The following DTX4 variants were observed in gnomAD, a reference collection of about 807,000 sequenced individuals.
The protein encoded by DTX4 is E3 ubiquitin-protein ligase DTX4.
Under a neutral mutation model 57.6 loss-of-function variants are expected in DTX4, and 28 were observed. The ratio of observed to expected loss-of-function variants is 0.49; its 90% confidence interval spans 0.36 to 0.67. The LOEUF (loss-of-function observed/expected upper bound fraction) is 0.67, where lower values mean the gene tolerates loss of function less well. Ranked by LOEUF, DTX4 falls within the 30% of genes least tolerant of loss-of-function variation. The pLI, the probability that DTX4 is intolerant of heterozygous loss-of-function variation, is 0.00. For synonymous variants in DTX4, 316 were observed against 331.0 expected (o/e 0.95, Z 0.49); for missense variants, 715 against 836.8 (o/e 0.85, Z 1.80).
chr11:59,174,668 G>A (rs1434433783), intron 1 of DTX4, among the ~76,000 whole-genome samples: 2 of 152,082 alleles, frequency 1.3e-5, no homozygotes, highest in Non-Finnish European at 2.9e-5. Flanking sequence ...TATCTACAAA[G>A]GTTCATGACC....
Position 59,172,569 on chromosome 11 carries a change from G to GCGCAGCGC in DTX4, c.-20_-13dup. ...GCGCTCGGGGCCCGGGAGGCGGGCC[G>GCGCAGCGC]CGCAGCGCCGCAGCCCCGGGCTCGC... On this transcript the variant is annotated 5_prime_UTR_variant, in exon 1 of 9. Transcript: ENST00000227451. 1 of 1,345,082 alleles carries GCGCAGCGC rather than the reference G, an allele frequency of 7.4e-7. No individual in the cohort carries two copies. Among genetic ancestry groups the GCGCAGCGC allele is most frequent in the Non-Finnish European group, 9.5e-7 (1 of 1,048,688 alleles). The allele number at this position is 1,345,082 out of a possible 1,614,324, so 83.3% of individuals were successfully genotyped here.
intron 1 of DTX4, among the ~76,000 whole-genome samples, chr11:59,179,273 A>T (rs1862431267): frequency 6.6e-6 from 1 of 152,242 alleles, no homozygotes; most frequent in Non-Finnish European, 1.5e-5. Flanking sequence ...AGCAGAAGGC[A>T]GCCAAATGAC....
chr11:59,179,921 G>GAC (rs145272277), intron 1 of DTX4, among the ~76,000 whole-genome samples: 2,181 of 148,374 alleles, frequency 0.015, 50 homozygotes, highest in African/African-American at 0.049. Flanking sequence ...TACACACACA[G>GAC]ACACACACAC....
intron 4 of DTX4, among the ~76,000 whole-genome samples, chr11:59,189,768 T>A (rs1238582638): frequency 1.3e-5 from 2 of 152,206 alleles, no homozygotes; most frequent in African/African-American, 4.8e-5. Flanking sequence ...AATGCATCCA[T>A]GACAGTTAGG....
rs189814508 is a variant in DTX4, at chr11:59,205,679, C to A, written c.*770C>A. 1 of 152,830 alleles carries A rather than the reference C, an allele frequency of 6.5e-6. No individual in the cohort carries two copies. The allele number at this position is 152,830 out of a possible 1,614,324, so 9.5% of individuals were successfully genotyped here. ...TAGACCCTCTCTGATCAAACCAGAGCCTGCATCCCACTGAGCATCTGAACT... is the reference window on the plus strand; with the variant it reads ...TAGACCCTCTCTGATCAAACCAGAGACTGCATCCCACTGAGCATCTGAACT... On this transcript the variant is annotated 3_prime_UTR_variant, in exon 9 of 9. Transcript: ENST00000227451.
chr11:59,197,769 A>G (rs1353881987), intron 7 of DTX4, among the ~76,000 whole-genome samples: 4 of 152,236 alleles, frequency 2.6e-5, no homozygotes, highest in African/African-American at 9.6e-5. Context: ...CTCAGAGGCA[A>G]TGAGTCAAGG....
At chr11:59,186,906 C>T (rs1446806833) in intron 2 of DTX4, among the ~76,000 whole-genome samples, 1 of 152,202 alleles carries the variant, frequency 6.6e-6, no homozygotes. Flanking sequence ...AGAAGAAAAG[C>T]GGCTTTGGGT....
At chr11:59,200,351 G>A (rs11229873) in intron 8 of DTX4, among the ~76,000 whole-genome samples, 15,858 of 152,210 alleles carry the variant, frequency 0.1, 1,024 homozygotes, top group East Asian at 0.29. Context: ...GCCAAACCAT[G>A]TCAGTTTGTT....
intron 1 of DTX4, among the ~76,000 whole-genome samples, chr11:59,179,204 G>T (rs968791954): frequency 6.6e-6 from 1 of 152,152 alleles, no homozygotes; most frequent in Non-Finnish European, 1.5e-5. Context: ...TGAAATTTAC[G>T]TGGGATATGT....
intron 2 of DTX4, among the ~76,000 whole-genome samples, chr11:59,183,967 A>C (rs656163): frequency 2.0e-5 from 3 of 152,048 alleles, no homozygotes; most frequent in Admixed American, 2.0e-4. Flanking sequence ...TGTGTTATGC[A>C]ATAGGGGTTG....
intron 5 of DTX4, 97 bp downstream of exon 5, chr11:59,191,272 A>G: frequency 1.6e-6 from 2 of 1,266,260 alleles, no homozygotes; most frequent in Admixed American, 2.1e-5. Flanking sequence ...CGGGGGCTGC[A>G]TTCCAAGTTC....
Position 59,188,816 on chromosome 11 carries a change from G to A in DTX4, c.997+20G>A. 1 of 1,606,782 alleles carries A rather than the reference G, an allele frequency of 6.2e-7. No homozygotes were observed. Among genetic ancestry groups the A allele is most frequent in the Non-Finnish European group, 8.5e-7 (1 of 1,173,580 alleles). On this transcript the variant is annotated intron_variant, in intron 3 of 8. Transcript: ENST00000227451. ...TGGCAGGTAAGAGAAACCCCAGGAT[G>A]CTCTGGGTTAAGGTAGAGAAATCAG...
chr11:59,189,341 C>T lies in DTX4; in HGVS notation c.1159+18C>T, dbSNP rs372720640. ...CAAGAAAGGTACCAGCCTCTTGTCT[C>T]GTGGGGTACTGAGAGTCAAAGACTT... On this transcript the variant is annotated intron_variant, in intron 4 of 8. Transcript: ENST00000227451. 18 of 1,520,404 alleles carry T rather than the reference C, an allele frequency of 1.2e-5. No individual in the cohort carries two copies. The highest frequency in any genetic ancestry group is 2.5e-5 in the East Asian group (1 of 40,556). 94.2% of individuals were successfully genotyped at this position (1,520,404 alleles called of 1,614,324 possible). A position where few individuals can be genotyped will look rare whatever the true frequency, so the allele number is the denominator to read the frequency against.
At chr11:59,191,843 C>T (rs939090683) in intron 5 of DTX4, among the ~76,000 whole-genome samples, 38 of 152,302 alleles carry the variant, frequency 2.5e-4, no homozygotes, top group African/African-American at 8.7e-4. Flanking sequence ...AACAGAAGGA[C>T]AGTGCATTGT....
chr11:59,183,851 A>G (rs1450917033), intron 2 of DTX4, among the ~76,000 whole-genome samples: 1 of 152,210 alleles, frequency 6.6e-6, no homozygotes, highest in African/African-American at 2.4e-5. Flanking sequence ...GAAAACCTCC[A>G]CTAAGGGAGT....
In DTX4 at chr11:59,208,410, A is replaced by T. The variant is rs1202441096; in HGVS notation, c.*3501A>T. The T allele has an allele frequency of 6.6e-6, 1 of 152,226 alleles. No homozygotes were observed. Among genetic ancestry groups the T allele is most frequent in the Non-Finnish European group, 1.5e-5 (1 of 68,040 alleles). 9.4% of individuals were successfully genotyped at this position (152,226 alleles called of 1,614,324 possible). A position where few individuals can be genotyped will look rare whatever the true frequency, so the allele number is the denominator to read the frequency against. Reference sequence around the variant, plus strand: ...CATTGCTGGGAAAATGAGTAAGTGAACGTGTGGGAGAAAAACACTTTTAGA... The same window carrying T: ...CATTGCTGGGAAAATGAGTAAGTGATCGTGTGGGAGAAAAACACTTTTAGA... On this transcript the variant is annotated 3_prime_UTR_variant, in exon 9 of 9. Coordinates refer to ENST00000227451, the MANE Select transcript of DTX4 (RefSeq NM_015177.2).
At chr11:59,204,645 T>C (rs1862781179) in intron 8 of DTX4, 31 bp from the exon 9 acceptor site, 2 of 1,582,672 alleles carry the variant, frequency 1.3e-6, no homozygotes, top group African/African-American at 1.3e-5. Flanking sequence ...AATTAATGTC[T>C]GCCTTTCATG....
chr11:59,197,700 C>T (rs955057176), intron 7 of DTX4, among the ~76,000 whole-genome samples: 1 of 151,968 alleles, frequency 6.6e-6, no homozygotes, highest in Non-Finnish European at 1.5e-5. Context: ...AAGGGAAGGC[C>T]GGGATAAGGA....
At chr11:59,180,403 G>A (rs993281792) in intron 1 of DTX4, among the ~76,000 whole-genome samples, 5 of 152,206 alleles carry the variant, frequency 3.3e-5, no homozygotes, top group African/African-American at 1.2e-4. Flanking sequence ...TCATTAAGGA[G>A]CTTGGAGATG....
Sources: allele counts gnomAD v4.1 joint callset (sites outside exome capture counted in the v4.1 genomes callset), GRCh38; gene constraint gnomAD v4.1.1; transcripts MANE v1.5; gene names NCBI Gene and HGNC (gene_info 2026-07-23, HGNC 2026-07-21).